The following RHOT2 variants were observed in gnomAD, a reference collection of about 807,000 sequenced individuals.
RHOT2 encodes mitochondrial Rho GTPase 2.
In RHOT2, 90 loss-of-function variants were observed where a neutral mutation model predicts 81.6. The observed-to-expected ratio is 1.10, with a 90% CI of 0.93 to 1.31. The LOEUF (loss-of-function observed/expected upper bound fraction) is 1.31, where lower values mean the gene tolerates loss of function less well. Ranked by LOEUF, RHOT2 falls within the 40% of genes most tolerant of loss-of-function variation. The probability of loss-of-function intolerance (pLI) is 0.00; values close to 1 mark genes in which losing one functional copy is unlikely to be tolerated. For missense variants in RHOT2, 1,014 were observed against 841.9 expected (o/e 1.20, Z -2.53); for synonymous variants, 512 against 370.9 (o/e 1.38, Z -4.37).
At position 672,695 on chromosome 16, in the gene RHOT2, T is replaced by C; in HGVS notation, c.1405-8T>C. 6.2e-7 allele frequency: 1 copy of C among 1,612,090 alleles called. No individual in the cohort carries two copies. ...AGGGACCCTTCCTAAGGCCGCTGTC[T>C]GTCCCAGCTCTGTGAGGTGGGCACA... On this transcript the variant is annotated splice_region_variant and splice_polypyrimidine_tract_variant and intron_variant, in intron 16 of 18. Transcript: ENST00000315082.
chr16:668,306 G>GTATCATTAAAAAAT, intron 1 of RHOT2, 47 bp from the exon 2 acceptor site: 1 of 1,310,000 alleles, frequency 7.6e-7, no homozygotes, highest in Non-Finnish European at 9.7e-7. Context: ...GGGGGTCGGG[G>GTATCATTAAAAAAT]GGCGCCGTGA....
At position 668,155 on chromosome 16, in the gene RHOT2, G is replaced by C. The variant is rs546854242; in HGVS notation, c.-45G>C. On this transcript the variant is annotated 5_prime_UTR_variant, in exon 1 of 19. Coordinates refer to ENST00000315082, the MANE Select transcript of RHOT2 (RefSeq NM_138769.3). ...GCAGAGCGAAAGGCTTGAGGACCAG[G>C]TCGGGGCCGGGTTCCGGGTCGGGGA... 1 of 442,906 alleles carries C rather than the reference G, an allele frequency of 2.3e-6. No individual in the cohort carries two copies. The highest frequency in any genetic ancestry group is 6.5e-5 in the South Asian group (1 of 15,344). 27.4% of individuals were successfully genotyped at this position (442,906 alleles called of 1,614,324 possible).
intron 18 of RHOT2, 107 bp downstream of exon 18, chr16:673,237 C>A: frequency 7.4e-7 from 1 of 1,360,390 alleles, no homozygotes; most frequent in Non-Finnish European, 1.0e-6. Flanking sequence ...GTCTGTCATC[C>A]GAGCAGTGGG....
intron 9 of RHOT2, 30 bp downstream of exon 9, chr16:670,803 G>C: frequency 6.2e-7 from 1 of 1,608,974 alleles, no homozygotes; most frequent in Non-Finnish European, 8.5e-7. Context: ...TCGGTGCCCA[G>C]CCCCCTTGAA....
chr16:672,832 C>T lies in RHOT2; in HGVS notation c.1527+7C>T, dbSNP rs757179883. 5 of 1,612,618 alleles carry T rather than the reference C, an allele frequency of 3.1e-6. No individual in the cohort carries two copies. The highest frequency in any genetic ancestry group is 1.3e-5 in the African/African-American group (1 of 75,052). ...TTGTGCCAGCGTCTACAAGGTGGGG[C>T]CCTGCAGGGGCCACGTGGCCATGGG... On this transcript the variant is annotated splice_region_variant and intron_variant, in intron 17 of 18. Coordinates refer to ENST00000315082, the MANE Select transcript of RHOT2 (RefSeq NM_138769.3).
In RHOT2 at chr16:668,505, G is replaced by A. The variant is rs1488267933; in HGVS notation, c.114G>A (p.Glu38=). 1 of 1,608,750 alleles carries A rather than the reference G, an allele frequency of 6.2e-7. No individual in the cohort carries two copies. The highest frequency in any genetic ancestry group is 8.5e-7 in the Non-Finnish European group (1 of 1,178,308). The change falls in exon 3 of 19, where the codon GAG becomes GAA. Residue 38 remains glutamate (E), a synonymous_variant. Coordinates refer to ENST00000315082, the MANE Select transcript of RHOT2 (RefSeq NM_138769.3). ...CCTTGCAGGTCCCTCCCCGCGCGGA[G>A]GAGATCACCATCCCCGCGGACGTCA... The part of the protein sequence containing the change: ...EFPEEVPPRA[E]EITIPADVTP...
In RHOT2 at chr16:668,444, G is replaced by T. The variant is rs773207561; in HGVS notation, c.96+33G>T. On this transcript the variant is annotated intron_variant, in intron 2 of 18. Coordinates refer to ENST00000315082, the MANE Select transcript of RHOT2 (RefSeq NM_138769.3). The stretch of plus-strand genomic sequence containing the variant: ...GCACGCCCGCCGCGGGGGTGGGAGC[G>T]GGCCCAGCCGGGGGTCCCTGGTGAG... 8.3e-6 allele frequency: 13 copies of T among 1,568,078 alleles called. 1 individual carries two copies. Among genetic ancestry groups the T allele is most frequent in the South Asian group, 6.9e-5 (6 of 86,852 alleles).
At position 670,741 on chromosome 16, in the gene RHOT2, G is replaced by A. The variant is rs900106537; in HGVS notation, c.607G>A (p.Ala203Thr). The change falls in exon 9 of 19, where the codon GCG (alanine) becomes ACG (threonine). Residue 203 changes from alanine (A) to threonine (T), a missense_variant. Transcript: ENST00000315082. ...FRLSDQDLDQ[A>T]LSDEELNAFQ... ...GCTCTCAGATCAGGACCTGGACCAG[G>A]CGCTCAGTGACGAAGAGCTCAACGC... 1 of 1,612,392 alleles carries A rather than the reference G, an allele frequency of 6.2e-7. No homozygotes were observed. The highest frequency in any genetic ancestry group is 8.5e-7 in the Non-Finnish European group (1 of 1,179,940).
rs2038507039 is a variant in RHOT2 at position 669,341 on chromosome 16, C to G, written c.223-212C>G. 2.8e-5 allele frequency: 17 copies of G among 598,110 alleles called. No homozygotes were observed. In the South Asian group the frequency reaches 3.3e-4, roughly 12 times the overall value. 37.1% of individuals were successfully genotyped at this position (598,110 alleles called of 1,614,324 possible). A position where few individuals can be genotyped will look rare whatever the true frequency, so the allele number is the denominator to read the frequency against. On this transcript the variant is annotated intron_variant, in intron 4 of 18. Coordinates refer to ENST00000315082, the MANE Select transcript of RHOT2 (RefSeq NM_138769.3). ...GGCTTCTCTGAGGGTTCAGCAGCAG[C>G]TCCCAGTGTGACACTGGGGAGTGCC... is the stretch of plus-strand genomic sequence containing the variant.
Position 671,161 on chromosome 16 carries a change from A to G in RHOT2, c.827A>G (p.Tyr276Cys), listed in dbSNP as rs995923518. 1.0e-5 allele frequency: 16 copies of G among 1,593,186 alleles called. No individual in the cohort carries two copies. The highest frequency in any genetic ancestry group is 1.4e-5 in the Non-Finnish European group (16 of 1,170,470). Residue 276 changes from tyrosine to cysteine, a missense_variant, in exon 11 of 19, where the codon TAC becomes TGC. By Grantham distance (194) the Tyr-to-Cys change is radical (BLOSUM62 -2). Coordinates refer to ENST00000315082, the MANE Select transcript of RHOT2 (RefSeq NM_138769.3). ...TTWTILRRFG[Y>C]SDALELTADY... is the part of the protein sequence containing the mutation. Reference sequence around the variant, plus strand: ...TGGACCATCCTGCGGCGCTTCGGCTACAGCGATGCCCTGGAGCTGACTGCG... The same window carrying G: ...TGGACCATCCTGCGGCGCTTCGGCTGCAGCGATGCCCTGGAGCTGACTGCG...
At chr16:672,906 T>C (rs747553013) in intron 17 of RHOT2, 22 bp from the exon 18 acceptor site, 1 of 1,612,720 alleles carries the variant, frequency 6.2e-7, no homozygotes, top group Non-Finnish European at 8.5e-7. Flanking sequence ...GGACTGTACC[T>C]CATACCACTC....
In RHOT2 at chr16:673,123, G is replaced by A. The variant is rs759451991; in HGVS notation, c.1723G>A (p.Ala575Thr). 19 of 1,610,400 alleles carry A rather than the reference G, an allele frequency of 1.2e-5. No homozygotes were observed. Among genetic ancestry groups the A allele is most frequent in the African/African-American group, 5.3e-5 (4 of 74,936 alleles). Residue 575 changes from alanine (A) to threonine (T), a missense_variant, in exon 18 of 19, where the codon GCC (alanine) becomes ACC (threonine). Ala to Thr is a moderately conservative substitution (Grantham distance 58). Coordinates refer to ENST00000315082, the MANE Select transcript of RHOT2 (RefSeq NM_138769.3). ...CTTCACCCAGCTCGCCACCATGGCC[G>A]CCTTCCCGTGGGTACCCAGTAGCGC... Reference protein sequence around the residue: ...TIFTQLATMAAFPHLVHAELH... With the variant: ...TIFTQLATMATFPHLVHAELH...
At position 672,137 on chromosome 16, in the gene RHOT2, G is replaced by T. The variant is rs200119985; in HGVS notation, c.1151G>T (p.Gly384Val). 1.9e-6 allele frequency: 3 copies of T among 1,612,596 alleles called. No homozygotes were observed. Among genetic ancestry groups the T allele is most frequent in the African/African-American group, 2.7e-5 (2 of 74,930 alleles). Residue 384 changes from glycine to valine, a missense_variant, in exon 14 of 19, where the codon GGC becomes GTC. Transcript: ENST00000315082. ...RSCLGHLGYL[G>V]YPTLCEQDQA... ...TGCCTTGGACACCTAGGCTACCTGG[G>T]CTACCCCACCCTCTGTGAGCAGGAC...
chr16:671,041 G>C lies in RHOT2; in HGVS notation c.748+41G>C, dbSNP rs779165610. ...CGCCTGTGCCTGGGGAGTGTGGGGA[G>C]GGGGCTGTGCCTGGTGCTCCCCCTG... On this transcript the variant is annotated intron_variant, in intron 10 of 18. Coordinates refer to ENST00000315082, the MANE Select transcript of RHOT2 (RefSeq NM_138769.3). 6 of 1,607,632 alleles carry C rather than the reference G, an allele frequency of 3.7e-6. No homozygotes were observed. In the South Asian group the frequency reaches 5.5e-5, roughly 15 times the overall value.
Position 670,753 on chromosome 16 carries a change from G to T in RHOT2, c.619G>T (p.Glu207Ter), listed in dbSNP as rs202033731. The change falls in exon 9 of 19, where the codon GAA becomes TAA. Residue 207 changes from glutamate (E) to a stop codon, truncating the protein, a stop_gained. Transcript: ENST00000315082. LOFTEE classifies it high-confidence loss of function. ...GGACCTGGACCAGGCGCTCAGTGAC[G>T]AAGAGCTCAACGCTTTCCAGGTGTG... ...DQDLDQALSD[E>*]ELNAFQKSCF... 5 of 1,612,150 alleles carry T rather than the reference G, an allele frequency of 3.1e-6. No homozygotes were observed. The highest frequency in any genetic ancestry group is 4.2e-6 in the Non-Finnish European group (5 of 1,179,942).
intron 4 of RHOT2, 63 bp downstream of exon 4, chr16:668,762 G>A (rs774293482): frequency 1.7e-5 from 25 of 1,508,496 alleles, no homozygotes; most frequent in Non-Finnish European, 2.2e-5. Context: ...CCGCTTCGCA[G>A]CCTGGGGGAT....
chr16:668,269 G>A, intron 1 of RHOT2, 33 bp downstream of exon 1: 3 of 984,600 alleles, frequency 3.0e-6, no homozygotes, highest in Non-Finnish European at 4.1e-6. Context: ...CGGAGCTGCG[G>A]CGGCCGTGAG....
chr16:672,190 C>A lies in RHOT2; in HGVS notation c.1195+9C>A. ...GGCCCATGCCATCACAGGTAGGCAC[C>A]CACCCTCCCTGGGCCTGGGCCCAGT... On this transcript the variant is annotated intron_variant, in intron 14 of 18. Coordinates refer to ENST00000315082, the MANE Select transcript of RHOT2 (RefSeq NM_138769.3). 6.2e-7 allele frequency: 1 copy of A among 1,612,696 alleles called. No homozygotes were observed. Among genetic ancestry groups the A allele is most frequent in the Non-Finnish European group, 8.5e-7 (1 of 1,179,922 alleles).
chr16:672,342 C>T lies in RHOT2; in HGVS notation c.1284C>T (p.Gly428=), dbSNP rs770299447. ...AGGTGGTAGGGGCCCGTGGAGTGGG[C>T]AAGTCTGCCTTCCTGCAGGCCTTTC... ...LCKVVGARGV[G]KSAFLQAFLG... is the part of the protein sequence containing the mutation. Residue 428 remains glycine (G), a synonymous_variant, in exon 15 of 19, where the codon GGC becomes GGT. Coordinates refer to ENST00000315082, the MANE Select transcript of RHOT2 (RefSeq NM_138769.3). 3 of 1,611,798 alleles carry T rather than the reference C, an allele frequency of 1.9e-6. No homozygotes were observed. The East Asian group carries it at 6.7e-5, about 36-fold the overall frequency.
Sources: allele counts gnomAD v4.1 joint callset, GRCh38; gene constraint gnomAD v4.1.1; transcripts MANE v1.5; gene names NCBI Gene and HGNC (gene_info 2026-07-23, HGNC 2026-07-21).